The following OSBP variants were observed in gnomAD, a reference collection of about 807,000 sequenced individuals.
The protein encoded by OSBP is oxysterol-binding protein 1.
OSBP carries 32 observed loss-of-function variants against 96.6 expected under a neutral mutation model. The observed-to-expected ratio is 0.33, with a 90% CI of 0.25 to 0.45. OSBP has a LOEUF of 0.45. Among genes scored for constraint, OSBP ranks in the 20% least tolerant of loss-of-function variants. OSBP has a pLI of 1.00. For missense variants in OSBP, 653 were observed against 1,029.7 expected, an observed-to-expected ratio of 0.63 and a Z score of 5.01; for synonymous variants, 369 against 389.6, an observed-to-expected ratio of 0.95 and a Z score of 0.62.
At chr11:59,614,045 T>A (rs1239575078) in intron 1 of OSBP, among the ~76,000 whole-genome samples, 1 of 152,148 alleles carries the variant, frequency 6.6e-6, no homozygotes, top group African/African-American at 2.4e-5. Context: ...TGGAAAAAAA[T>A]ATTTCAATTG....
rs1268888381 is a variant in OSBP at position 59,610,543 on chromosome 11, C to T, written c.409G>A (p.Ala137Thr). 2.5e-6 allele frequency: 4 copies of T among 1,614,114 alleles called. No homozygotes were observed. The highest frequency in any genetic ancestry group is 1.1e-5 in the South Asian group (1 of 91,088). Residue 137 changes from alanine (A) to threonine (T), a missense_variant, in exon 2 of 14, where the codon GCC (alanine) becomes ACC (threonine). Around this residue, in one of 6 missense-constraint regions of OSBP, gnomAD observed 308 missense variants for 573.1 expected, o/e 0.54. Coordinates refer to ENST00000263847, the MANE Select transcript of OSBP (RefSeq NM_002556.3). ...TCCTCCACGGTGATGTTGGCTGTGG[C>T]GAGGTTGATGGTACCACGGCAGGTA... Reference protein sequence around the residue: ...RHTCRGTINLATANITVEDSC... With the variant: ...RHTCRGTINLTTANITVEDSC...
chr11:59,586,746 G>T (rs893955545), intron 9 of OSBP, among the ~76,000 whole-genome samples: 2 of 152,160 alleles, frequency 1.3e-5, no homozygotes, highest in Non-Finnish European at 2.9e-5. Context: ...TTCATATATG[G>T]TCAAATGATT....
rs1860619768 is a variant in OSBP, at chr11:59,594,193, C to T, written c.1374G>A (p.Glu458=). 2 of 1,614,170 alleles carry T rather than the reference C, an allele frequency of 1.2e-6. No homozygotes were observed. Among genetic ancestry groups the T allele is most frequent in the Non-Finnish European group, 8.5e-7 (1 of 1,180,004 alleles). The part of the protein sequence containing the change: ...QRLTEDLEYH[E]LLDRAAKCEN... ...CACATTTTGCAGCTCGGTCTAACAGCTCATGGTATTCCAGATCTTCAGTAA... is the reference window on the plus strand; with the variant it reads ...CACATTTTGCAGCTCGGTCTAACAGTTCATGGTATTCCAGATCTTCAGTAA... Residue 458 remains glutamate, a synonymous_variant, in exon 8 of 14, where the codon GAG becomes GAA. Coordinates refer to ENST00000263847, the MANE Select transcript of OSBP (RefSeq NM_002556.3).
intron 3 of OSBP, among the ~76,000 whole-genome samples, chr11:59,605,516 G>T (rs547375392): frequency 2.3e-3 from 351 of 152,180 alleles, no homozygotes; most frequent in Non-Finnish European, 4.3e-3. Flanking sequence ...GGGTTCAAGT[G>T]ATTCTCATGC....
chr11:59,577,340 GTTTTCT>G (rs1160448519), intron 12 of OSBP, among the ~76,000 whole-genome samples: 1 of 152,158 alleles, frequency 6.6e-6, no homozygotes, highest in African/African-American at 2.4e-5. Flanking sequence ...TGTTTCCTTA[GTTTTCT>G]TTTTAACTCT....
Position 59,615,660 on chromosome 11 carries a change from G to T in OSBP, c.5C>A (p.Ala2Glu). Residue 2 changes from alanine to glutamate, a missense_variant, in exon 1 of 14, where the codon GCG becomes GAG. This residue lies in a region of OSBP where 151 missense variants were observed against 146.1 expected (regional missense o/e 1.03). Transcript: ENST00000263847. M[A>E]ATELRGVVGP... ...CACCACTCCTCTCAGCTCCGTCGCC[G>T]CCATGAGCCGCCGCCGCCTGGAGAT... is the stretch of plus-strand genomic sequence containing the variant. 7.5e-7 allele frequency: 1 copy of T among 1,336,088 alleles called. No homozygotes were observed. Among genetic ancestry groups the T allele is most frequent in the Non-Finnish European group, 9.6e-7 (1 of 1,044,254 alleles). The allele number at this position is 1,336,088 out of a possible 1,614,324, so 82.8% of individuals were successfully genotyped here. A position where few individuals can be genotyped will look rare whatever the true frequency, so the allele number is the denominator to read the frequency against.
chr11:59,578,437 C>T, intron 11 of OSBP, 107 bp from the exon 12 acceptor site: 1 of 1,081,938 alleles, frequency 9.2e-7, no homozygotes, highest in African/African-American at 1.6e-5. Context: ...CCTGTTATAA[C>T]AAACACCAGA....
rs1258952741 is a variant in OSBP, at chr11:59,608,696, T to C, written c.610A>G (p.Lys204Glu). ...GDEESVSQTD[K>E]TELQNTLRTL... ...CGAAGGGTATTCTGCAGCTCAGTCT[T>C]GTCAGTTTGTGAGACAGACTCTTCA... Residue 204 changes from lysine to glutamate, a missense_variant, in exon 3 of 14, where the codon AAG becomes GAG. Transcript: ENST00000263847. 1.2e-6 allele frequency: 2 copies of C among 1,613,856 alleles called. No homozygotes were observed. Among genetic ancestry groups the C allele is most frequent in the Non-Finnish European group, 1.7e-6 (2 of 1,179,834 alleles).
At position 59,615,542 on chromosome 11, in the gene OSBP, T is replaced by C. The variant is rs2134714010; in HGVS notation, c.123A>G (p.Pro41=). The change falls in exon 1 of 14, where the codon CCA becomes CCG. Residue 41 remains proline (P), a synonymous_variant. Transcript: ENST00000263847. ...GGGGGRGDAG[P]GSGAASGTVV... ...CCGTCCCTGACGCGGCCCCGGAGCC[T>C]GGCCCCGCATCTCCGCGGCCGCCGC... The C allele has an allele frequency of 2.2e-6, 3 of 1,339,858 alleles. No individual in the cohort carries two copies. Among genetic ancestry groups the C allele is most frequent in the East Asian group, 3.2e-5 (1 of 30,842 alleles). 83.0% of individuals were successfully genotyped at this position (1,339,858 alleles called of 1,614,324 possible).
chr11:59,597,787 C>T (rs1199821725), intron 7 of OSBP, among the ~76,000 whole-genome samples: 3 of 152,228 alleles, frequency 2.0e-5, no homozygotes, highest in Admixed American at 6.5e-5. Flanking sequence ...CTCACTACAA[C>T]CTCTGCCTCC....
chr11:59,574,570 TGTA>T lies in OSBP; in HGVS notation c.*2004_*2006del, dbSNP rs1860338774. 6.6e-6 allele frequency: 1 copy of T among 152,452 alleles called. No homozygotes were observed. The highest frequency in any genetic ancestry group is 1.5e-5 in the Non-Finnish European group (1 of 68,010). 9.4% of individuals were successfully genotyped at this position (152,452 alleles called of 1,614,324 possible). ...GAATCTGATTGGGATCAGCCAGAAA[TGTA>T]GTGCAGATGGTGAAGGAAGAGAAGG... On this transcript the variant is annotated 3_prime_UTR_variant, in exon 14 of 14. Coordinates refer to ENST00000263847, the MANE Select transcript of OSBP (RefSeq NM_002556.3).
intron 7 of OSBP, among the ~76,000 whole-genome samples, 175 bp from the exon 8 acceptor site, chr11:59,594,430 G>A (rs982790510): frequency 9.9e-5 from 15 of 152,184 alleles, no homozygotes; most frequent in Admixed American, 6.5e-4. Context: ...TCATGTCTGT[G>A]AGTGGCAGAA....
Position 59,608,656 on chromosome 11 carries a change from T to C in OSBP, c.650A>G (p.Lys217Arg). The C allele has an allele frequency of 6.2e-7, 1 of 1,614,106 alleles. No homozygotes were observed. Among genetic ancestry groups the C allele is most frequent in the Non-Finnish European group, 8.5e-7 (1 of 1,179,932 alleles). Residue 217 changes from lysine (K) to arginine (R), a missense_variant, in exon 3 of 14, where the codon AAA becomes AGA. This residue lies in a region of OSBP where 308 missense variants were observed against 573.1 expected (regional missense o/e 0.54). Transcript: ENST00000263847. Reference sequence around the variant, plus strand: ...ATTGCACGTGCTCAAGTCCTCTACTTTGCTAGAGAGGGTCCGAAGGGTATT... The same window carrying C: ...ATTGCACGTGCTCAAGTCCTCTACTCTGCTAGAGAGGGTCCGAAGGGTATT... ...LQNTLRTLSS[K>R]VEDLSTCNDL...
At chr11:59,600,967 C>T in intron 5 of OSBP, 94 bp from the exon 6 acceptor site, 1 of 986,468 alleles carries the variant, frequency 1.0e-6, no homozygotes, top group Non-Finnish European at 1.6e-6. Flanking sequence ...GCCAAGTACA[C>T]TGTATAAACT....
chr11:59,591,989 G>C (rs992185192), intron 9 of OSBP, among the ~76,000 whole-genome samples: 4 of 152,138 alleles, frequency 2.6e-5, no homozygotes, highest in Non-Finnish European at 4.4e-5. Flanking sequence ...ATGGCTGACT[G>C]TACCTAACCA....
intron 5 of OSBP, among the ~76,000 whole-genome samples, 193 bp downstream of exon 5, chr11:59,601,090 C>A (rs181956171): frequency 6.9e-6 from 1 of 145,660 alleles, no homozygotes; most frequent in Non-Finnish European, 1.5e-5. Flanking sequence ...AGAAAAAGGG[C>A]CCATTCTACA....
At chr11:59,606,479 C>T (rs1565120705) in intron 3 of OSBP, among the ~76,000 whole-genome samples, 1 of 147,866 alleles carries the variant, frequency 6.8e-6, no homozygotes, top group Non-Finnish European at 1.5e-5. Context: ...GGGAGCTAAA[C>T]ATTGGGTACA....
intron 3 of OSBP, 79 bp from the exon 4 acceptor site, chr11:59,601,917 C>T (rs533359496): frequency 9.1e-6 from 12 of 1,315,960 alleles, no homozygotes; most frequent in Middle Eastern, 1.9e-4. Context: ...CATTGAGTAA[C>T]CTTATTCTGG....
Position 59,576,803 on chromosome 11 carries a change from A to G in OSBP, c.2281+2T>C, listed in dbSNP as rs1463411224. 1.2e-6 allele frequency: 2 copies of G among 1,613,806 alleles called. No homozygotes were observed. Among genetic ancestry groups the G allele is most frequent in the African/African-American group, 1.3e-5 (1 of 74,840 alleles). ...AAGAAGAGTAGAAGGGAAGTTCATT[A>G]CCATCCTCTGTGGCTTTCATAGCTT... On this transcript the variant is annotated splice_donor_variant, in intron 13 of 13. Transcript: ENST00000263847. LOFTEE classifies it high-confidence loss of function.
Sources: gnomAD v4.1 joint callset for allele counts (sites outside exome capture counted in the v4.1 genomes callset) on GRCh38, gnomAD v4.1.1 for gene constraint, gnomAD v4.1.1 regional missense constraint, MANE v1.5 for transcripts, NCBI Gene and HGNC (gene_info 2026-07-23, HGNC 2026-07-21) for gene names.